Variants in SGCD observed in about 807,000 individuals in gnomAD.
SGCD encodes the protein delta-sarcoglycan.
Under a neutral mutation model 36.6 loss-of-function variants are expected in SGCD, and 18 were observed. The ratio of observed to expected loss-of-function variants is 0.49; its 90% CI spans 0.34 to 0.73. The LOEUF is 0.73. Among genes scored for constraint, SGCD ranks in the 30% least tolerant of loss-of-function variants. The pLI is 0.01. For missense variants in SGCD, 387 were observed against 346.7 expected, an observed-to-expected ratio of 1.12 and a Z score of -0.92; for synonymous variants, 133 against 130.6, an observed-to-expected ratio of 1.02 and a Z score of -0.12.
chr5:156,346,302 G>A (rs1436833492), intron 3 of SGCD, among the ~76,000 whole-genome samples: 1 of 152,044 alleles, frequency 6.6e-6, no homozygotes, highest in African/African-American at 2.4e-5. Context: ...CTTTATATAT[G>A]TATTTATTTA....
At chr5:156,408,680 G>GT (rs1363777807) in intron 3 of SGCD, among the ~76,000 whole-genome samples, 2 of 152,106 alleles carry the variant, frequency 1.3e-5, no homozygotes, top group Non-Finnish European at 2.9e-5. Context: ...TTTCATGTGC[G>GT]TATCACCCCT....
intron 1 of SGCD, among the ~76,000 whole-genome samples, chr5:156,080,899 G>A (rs904147309): frequency 2.0e-5 from 3 of 152,072 alleles, no homozygotes; most frequent in African/African-American, 7.2e-5. Context: ...CTGTTACCCA[G>A]TTCCAAAGTC....
At chr5:156,308,261 G>A (rs1767285994) in intron 3 of SGCD, among the ~76,000 whole-genome samples, 1 of 151,782 alleles carries the variant, frequency 6.6e-6, no homozygotes. Context: ...GTCTTACATG[G>A]TGGCAGGAGA....
intron 3 of SGCD, among the ~76,000 whole-genome samples, chr5:156,427,523 T>C (rs1385709183): frequency 1.3e-5 from 2 of 152,148 alleles, no homozygotes; most frequent in Admixed American, 6.5e-5. Flanking sequence ...TCGGAGGCCC[T>C]TTCTTTCCTT....
At chr5:155,870,781 A>G (rs1755615517) in intron 1 of SGCD, among the ~76,000 whole-genome samples, 1 of 152,130 alleles carries the variant, frequency 6.6e-6, no homozygotes, top group Non-Finnish European at 1.5e-5. Flanking sequence ...ATGTGAAAAC[A>G]TCCTACTGAA....
At chr5:156,442,645 T>G (rs1753547672) in intron 3 of SGCD, among the ~76,000 whole-genome samples, 1 of 152,220 alleles carries the variant, frequency 6.6e-6, no homozygotes. Context: ...TCATTTATAT[T>G]CTTCACTAAT....
intron 3 of SGCD, among the ~76,000 whole-genome samples, chr5:156,195,192 C>T (rs1426579007): frequency 6.6e-6 from 1 of 152,002 alleles, no homozygotes; most frequent in Non-Finnish European, 1.5e-5. Context: ...TCATTTAAAC[C>T]CTGTGCTAGC....
chr5:156,744,473 GAC>G (rs1338423097), intron 7 of SGCD, among the ~76,000 whole-genome samples: 2 of 152,160 alleles, frequency 1.3e-5, no homozygotes, highest in African/African-American at 4.8e-5. Context: ...CAGGAAGAAA[GAC>G]AGAAGTGGTG....
intron 1 of SGCD, among the ~76,000 whole-genome samples, chr5:156,080,244 A>T (rs1333529702): frequency 6.6e-6 from 1 of 152,126 alleles, no homozygotes; most frequent in Non-Finnish European, 1.5e-5. Flanking sequence ...GTGGCACCCC[A>T]GGCCTGGCCC....
At chr5:155,741,911 C>A in the SGCD span, among the ~76,000 whole-genome samples, 1 of 152,136 alleles carries the variant, frequency 6.6e-6, no homozygotes. Context: ...TGTCGAACTC[C>A]TAGGCTCAGA....
chr5:155,780,708 G>A, the SGCD span, among the ~76,000 whole-genome samples: 1 of 152,100 alleles, frequency 6.6e-6, no homozygotes, highest in South Asian at 2.1e-4. Context: ...ATACACAGTT[G>A]AATATGAATG....
intron 3 of SGCD, among the ~76,000 whole-genome samples, chr5:156,417,042 A>G (rs962319976): frequency 6.6e-6 from 1 of 152,216 alleles, no homozygotes; most frequent in Non-Finnish European, 1.5e-5. Flanking sequence ...TTGTAGTGGC[A>G]GGAAGTAGAA....
intron 7 of SGCD, among the ~76,000 whole-genome samples, chr5:156,649,975 G>T (rs1054850182): frequency 1.3e-5 from 2 of 152,008 alleles, no homozygotes; most frequent in African/African-American, 4.8e-5. Flanking sequence ...AAGGAGATAG[G>T]CTGTCTTGGC....
intron 3 of SGCD, among the ~76,000 whole-genome samples, chr5:156,251,736 G>A (rs1054199473): frequency 3.2e-4 from 49 of 152,034 alleles, no homozygotes; most frequent in Admixed American, 3.3e-4. Flanking sequence ...GGATGGTCTC[G>A]ATTTCTTGAC....
chr5:155,858,894 C>A, the SGCD span, among the ~76,000 whole-genome samples: 1 of 151,484 alleles, frequency 6.6e-6, no homozygotes, highest in Non-Finnish European at 1.5e-5. Context: ...TTGGGAATAG[C>A]CTACTAGCTT....
intron 3 of SGCD, among the ~76,000 whole-genome samples, chr5:156,447,450 A>G (rs1753795793): frequency 6.6e-6 from 1 of 152,180 alleles, no homozygotes; most frequent in South Asian, 2.1e-4. Context: ...TGCTGTGGCC[A>G]TGTTGCCTTA....
the SGCD span, among the ~76,000 whole-genome samples, chr5:155,803,971 A>T: frequency 1.3e-5 from 2 of 152,198 alleles, no homozygotes; most frequent in Non-Finnish European, 1.5e-5. Context: ...CAGTCATCTG[A>T]AATAGAAAGG....
chr5:155,918,107 C>T (rs1756793699), intron 1 of SGCD, among the ~76,000 whole-genome samples: 1 of 152,116 alleles, frequency 6.6e-6, no homozygotes, highest in Admixed American at 6.6e-5. Flanking sequence ...GATTCTTTTT[C>T]GTATTTCACC....
At chr5:156,739,232 A>C (rs1325548857) in intron 7 of SGCD, among the ~76,000 whole-genome samples, 1 of 152,204 alleles carries the variant, frequency 6.6e-6, no homozygotes, top group African/African-American at 2.4e-5. Flanking sequence ...AAGGGAAAGA[A>C]AGGAAAGTGT....
Sources: gnomAD v4.1 joint callset for allele counts (sites outside exome capture counted in the v4.1 genomes callset) on GRCh38, gnomAD v4.1.1 for gene constraint, MANE v1.5 for transcripts, NCBI Gene and HGNC (gene_info 2026-07-23, HGNC 2026-07-21) for gene names.